The following PLCL2 variants were observed in gnomAD, a reference collection of about 807,000 sequenced individuals.
The protein encoded by PLCL2 is phospholipase C like 2.
A neutral mutation model predicts 79.6 loss-of-function variants in PLCL2; 4 were observed. The observed-to-expected ratio is 0.05, with a 90% CI of 0.02 to 0.11. The LOEUF (loss-of-function observed/expected upper bound fraction) is 0.11. Ranked by LOEUF, PLCL2 falls within the 10% of genes least tolerant of loss-of-function variation. PLCL2 has a pLI of 1.00. For synonymous variants in PLCL2, 484 were observed against 457.7 expected (o/e 1.06, Z -0.73); for missense variants, 895 against 1,291.0 (o/e 0.69, Z 4.70).
At chr3:16,891,378 A>G (rs1696346037) in intron 1 of PLCL2, among the ~76,000 whole-genome samples, 1 of 152,168 alleles carries the variant, frequency 6.6e-6, no homozygotes, top group African/African-American at 2.4e-5. Context: ...TGTTTTTCTG[A>G]TTTTTAGTTG....
At chr3:17,068,281 G>T (rs1346713201) in intron 5 of PLCL2, among the ~76,000 whole-genome samples, 1 of 152,154 alleles carries the variant, frequency 6.6e-6, no homozygotes, top group African/African-American at 2.4e-5. Context: ...TTCTATGATT[G>T]GCACATTGTA....
At chr3:16,975,925 G>C (rs925041436) in intron 1 of PLCL2, among the ~76,000 whole-genome samples, 9 of 152,230 alleles carry the variant, frequency 5.9e-5, no homozygotes, top group African/African-American at 2.2e-4. Context: ...GGTGTGATGG[G>C]GCTGCTGGTG....
intron 4 of PLCL2, among the ~76,000 whole-genome samples, chr3:17,045,894 CGAG>C (rs1291969322): frequency 6.6e-6 from 1 of 152,014 alleles, no homozygotes; most frequent in East Asian, 1.9e-4. Flanking sequence ...TTTCCATTGA[CGAG>C]GTAAACAGGG....
chr3:16,982,205 C>T (rs920293295), intron 1 of PLCL2, among the ~76,000 whole-genome samples: 1 of 152,198 alleles, frequency 6.6e-6, no homozygotes, highest in Admixed American at 6.5e-5. Context: ...CCACATAAAT[C>T]TTTCTTCAAA....
chr3:16,984,547 G>A (rs1365021763), intron 1 of PLCL2, among the ~76,000 whole-genome samples: 1 of 152,132 alleles, frequency 6.6e-6, no homozygotes. Context: ...TAGAAAATGA[G>A]CTGATGATAA....
intron 1 of PLCL2, among the ~76,000 whole-genome samples, chr3:16,891,802 C>A (rs1225666306): frequency 6.6e-6 from 1 of 152,154 alleles, no homozygotes; most frequent in African/African-American, 2.4e-5. Flanking sequence ...TGCTGGAGCC[C>A]CATGAGATTC....
In PLCL2 at chr3:17,085,685, A is replaced by G. The variant is rs372301904; in HGVS notation, c.3205-4048A>G. ...AGGATGGTCTCGATCTCCTGACCTC[A>G]TGATCCGCCCGCCTCGGCCTCCCAA... On this transcript the variant is annotated intron_variant, in intron 5 of 5. Transcript: ENST00000615277. Among the ~76,000 whole-genome samples, 4 of 142,828 alleles carry G rather than the reference A, an allele frequency of 2.8e-5. No homozygotes were observed. The East Asian group carries it at 8.6e-4, about 31-fold the overall frequency. 93.7% of individuals were successfully genotyped at this position (142,828 alleles called of 152,430 possible).
At chr3:17,020,895 C>G (rs1359144494) in intron 3 of PLCL2, among the ~76,000 whole-genome samples, 1 of 152,102 alleles carries the variant, frequency 6.6e-6, no homozygotes, top group Non-Finnish European at 1.5e-5. Flanking sequence ...GTGTCATATA[C>G]TTTTTCTTGT....
intron 5 of PLCL2, among the ~76,000 whole-genome samples, chr3:17,087,514 GACTAGCAAAGCA>G (rs1220632294): frequency 6.6e-6 from 1 of 152,226 alleles, no homozygotes; most frequent in East Asian, 1.9e-4. Context: ...GGGGAAGGAT[GACTAGCAAAGCA>G]CAGAGGAATT....
At chr3:16,953,789 G>C (rs574184983) in intron 1 of PLCL2, among the ~76,000 whole-genome samples, 101 of 151,722 alleles carry the variant, frequency 6.7e-4, no homozygotes, top group Non-Finnish European at 1.0e-3. Flanking sequence ...AAACATAATA[G>C]AACTTGTTTG....
chr3:16,949,933 C>A (rs1370582710), intron 1 of PLCL2, among the ~76,000 whole-genome samples: 2 of 152,124 alleles, frequency 1.3e-5, no homozygotes, highest in African/African-American at 4.8e-5. Context: ...GGAATGCCAC[C>A]TTTCTTATAT....
At chr3:16,900,779 C>T (rs901129229) in intron 1 of PLCL2, among the ~76,000 whole-genome samples, 2 of 152,152 alleles carry the variant, frequency 1.3e-5, no homozygotes, top group African/African-American at 2.4e-5. Context: ...GTAAAATACA[C>T]GTGGTCACAC....
At chr3:17,061,234 T>C (rs1405850251) in intron 4 of PLCL2, among the ~76,000 whole-genome samples, 2 of 152,204 alleles carry the variant, frequency 1.3e-5, no homozygotes, top group Non-Finnish European at 1.5e-5. Flanking sequence ...TGTTTCTGAC[T>C]TGGCCCTCAC....
At chr3:16,965,495 G>A (rs1033181873) in intron 1 of PLCL2, among the ~76,000 whole-genome samples, 9 of 151,660 alleles carry the variant, frequency 5.9e-5, no homozygotes, top group Non-Finnish European at 1.2e-4. Context: ...GATTCTCTTG[G>A]CAATGCGGGC....
chr3:16,945,091 G>A (rs182042409), intron 1 of PLCL2, among the ~76,000 whole-genome samples: 264 of 152,256 alleles, frequency 1.7e-3, no homozygotes, highest in Non-Finnish European at 3.1e-3. Context: ...ACACATTGCT[G>A]TGTGCTTCCC....
intron 1 of PLCL2, among the ~76,000 whole-genome samples, chr3:17,003,426 G>T (rs972112509): frequency 6.6e-6 from 1 of 152,162 alleles, no homozygotes; most frequent in African/African-American, 2.4e-5. Flanking sequence ...CATACTAGAG[G>T]GTTTACTCAG....
At chr3:16,965,853 A>G (rs1329925599) in intron 1 of PLCL2, among the ~76,000 whole-genome samples, 1 of 151,700 alleles carries the variant, frequency 6.6e-6, no homozygotes, top group Non-Finnish European at 1.5e-5. Context: ...AATGCTTGTG[A>G]TTTTTGCACA....
At chr3:17,029,930 A>G (rs74685884) in intron 3 of PLCL2, among the ~76,000 whole-genome samples, 4,336 of 152,252 alleles carry the variant, frequency 0.028, 228 homozygotes, top group African/African-American at 0.1. Flanking sequence ...TTTGCAAAGG[A>G]CACATCTTAA....
At chr3:17,036,983 GCC>G (rs1445155101) in intron 3 of PLCL2, among the ~76,000 whole-genome samples, 1 of 152,102 alleles carries the variant, frequency 6.6e-6, no homozygotes, top group Non-Finnish European at 1.5e-5. Context: ...CCTTTTAAAG[GCC>G]CTGCCTGTTA....
Sources: gnomAD v4.1 joint callset for allele counts (sites outside exome capture counted in the v4.1 genomes callset) on GRCh38, gnomAD v4.1.1 for gene constraint, MANE v1.5 for transcripts, NCBI Gene and HGNC (gene_info 2026-07-23, HGNC 2026-07-21) for gene names.